The following ATM variants were observed in gnomAD, a reference collection of about 807,000 sequenced individuals.
The protein encoded by ATM is ATM serine/threonine kinase.
In ATM, 308 loss-of-function variants were observed where a neutral mutation model predicts 387.0. The ratio of observed to expected loss-of-function variants is 0.80; its 90% CI spans 0.73 to 0.87. The LOEUF (loss-of-function observed/expected upper bound fraction) is 0.87, where lower values mean the gene tolerates loss of function less well. ATM is among the 40% of genes least tolerant of loss of function. The pLI is 0.00. For synonymous variants in ATM, 1,156 were observed against 1,187.3 expected (o/e 0.97, Z 0.54); for missense variants, 3,312 against 3,560.9 (o/e 0.93, Z 1.78).
intron 16 of ATM, among the ~76,000 whole-genome samples, chr11:108,260,661 T>A (rs958687676): frequency 1.3e-5 from 2 of 152,104 alleles, no homozygotes; most frequent in African/African-American, 4.8e-5. Flanking sequence ...TAGGAACAGC[T>A]CCGGTCTACA....
chr11:108,251,613 T>C (rs1450020614), intron 10 of ATM, among the ~76,000 whole-genome samples: 1 of 152,250 alleles, frequency 6.6e-6, no homozygotes, highest in East Asian at 1.9e-4. Flanking sequence ...GTGCAATTTA[T>C]CATTATTTAT....
chr11:108,247,106 G>A lies in ATM; in HGVS notation c.1044G>A (p.Leu348=), dbSNP rs879254039. The A allele has an allele frequency of 1.9e-6, 3 of 1,613,770 alleles. No individual in the cohort carries two copies. Among genetic ancestry groups the A allele is most frequent in the Non-Finnish European group, 2.5e-6 (3 of 1,179,862 alleles). The change falls in exon 8 of 63, where the codon TTG becomes TTA. Residue 348 remains leucine (L), a synonymous_variant. Coordinates refer to ENST00000675843, the MANE Select transcript of ATM (RefSeq NM_000051.4). ...CCGTCAAAGAAAATTTGATTGAATTGATGGCAGATATCTGTCACCAGGTAC... is the reference window on the plus strand; with the variant it reads ...CCGTCAAAGAAAATTTGATTGAATTAATGGCAGATATCTGTCACCAGGTAC... ...NIAVKENLIE[L]MADICHQVFN...
chr11:108,294,492 T>A (rs621947), intron 31 of ATM, among the ~76,000 whole-genome samples: 1 of 152,078 alleles, frequency 6.6e-6, no homozygotes, highest in Non-Finnish European at 1.5e-5. Context: ...GTAATCCCAG[T>A]GCTTTGGAAG....
chr11:108,266,927 C>T (rs1175568777), intron 16 of ATM, among the ~76,000 whole-genome samples: 1 of 151,708 alleles, frequency 6.6e-6, no homozygotes, highest in Non-Finnish European at 1.5e-5. Context: ...TCCTGAGTAG[C>T]TGGGATTACA....
intron 12 of ATM, among the ~76,000 whole-genome samples, chr11:108,253,497 GT>G (rs1368860081): frequency 1.3e-5 from 2 of 151,926 alleles, no homozygotes; most frequent in African/African-American, 4.8e-5. Flanking sequence ...AAAGGGATAT[GT>G]TTGCAGACAA....
chr11:108,231,577 T>C (rs1166794881), intron 4 of ATM: 1 of 151,218 alleles, frequency 6.6e-6, no homozygotes, highest in Non-Finnish European at 1.5e-5. Context: ...GTGCCTGTAA[T>C]CCCAGCTTCT....
intron 56 of ATM, among the ~76,000 whole-genome samples, chr11:108,340,655 T>A (rs1253609392): frequency 6.6e-6 from 1 of 152,198 alleles, no homozygotes; most frequent in Non-Finnish European, 1.5e-5. Flanking sequence ...GCTAGTTTTA[T>A]TAATAACTGT....
At chr11:108,274,355 GT>G (rs2081808438) in intron 22 of ATM, among the ~76,000 whole-genome samples, 3 of 152,086 alleles carry the variant, frequency 2.0e-5, no homozygotes, top group Non-Finnish European at 2.9e-5. Flanking sequence ...TTGTGTGTGT[GT>G]GTCTCTATCT....
rs753870656 is a variant in ATM at position 108,295,059 on chromosome 11, G to T, written c.4909G>T (p.Asp1637Tyr). The change falls in exon 32 of 63, where the codon GAT (aspartate) becomes TAT (tyrosine). Residue 1637 changes from aspartate to tyrosine, a missense_variant and splice_region_variant. Coordinates refer to ENST00000675843, the MANE Select transcript of ATM (RefSeq NM_000051.4). ...QMVDIMRASQ[D>Y]NPQDGIMVKL... ...GGTGGACATTATGAGAGCTTCTCAG[G>T]GTGCTAATTTTAAATGACATGGGCT... The T allele has an allele frequency of 6.2e-7, 1 of 1,613,694 alleles. No homozygotes were observed. The highest frequency in any genetic ancestry group is 8.5e-7 in the Non-Finnish European group (1 of 1,179,798).
intron 48 of ATM, among the ~76,000 whole-genome samples, chr11:108,327,986 C>T (rs1202411299): frequency 2.0e-5 from 3 of 152,172 alleles, no homozygotes; most frequent in Non-Finnish European, 4.4e-5. Flanking sequence ...CTTCCTCCTT[C>T]CTACCTCCAC....
intron 34 of ATM, among the ~76,000 whole-genome samples, chr11:108,301,445 G>A (rs1591707646): frequency 6.6e-6 from 1 of 152,184 alleles, no homozygotes; most frequent in Non-Finnish European, 1.5e-5. Flanking sequence ...GGGAATTGCA[G>A]TTGCAGTGAT....
chr11:108,347,987 T>G (rs1450529365), intron 59 of ATM, among the ~76,000 whole-genome samples: 2 of 152,170 alleles, frequency 1.3e-5, no homozygotes, highest in East Asian at 3.9e-4. Flanking sequence ...GAAACCAGAA[T>G]ATTGGATTTG....
intron 22 of ATM, among the ~76,000 whole-genome samples, chr11:108,277,782 C>T (rs1453492584): frequency 1.3e-5 from 2 of 152,196 alleles, no homozygotes; most frequent in South Asian, 2.1e-4. Flanking sequence ...CCACCTTCTG[C>T]GTTGATCTCA....
chr11:108,339,991 T>G (rs2087333461), intron 56 of ATM, among the ~76,000 whole-genome samples: 1 of 152,224 alleles, frequency 6.6e-6, no homozygotes, highest in Non-Finnish European at 1.5e-5. Context: ...GATACTCTAC[T>G]GAGTGCTAGG....
At chr11:108,328,776 C>A (rs1457671828) in intron 48 of ATM, among the ~76,000 whole-genome samples, 2 of 152,110 alleles carry the variant, frequency 1.3e-5, no homozygotes, top group Non-Finnish European at 2.9e-5. Flanking sequence ...TAAAAAAAAT[C>A]ACAAAAGAAA....
chr11:108,240,761 T>C (rs1038000945), intron 5 of ATM, among the ~76,000 whole-genome samples: 6 of 152,200 alleles, frequency 3.9e-5, no homozygotes, highest in African/African-American at 1.4e-4. Flanking sequence ...TGTGTGGTAA[T>C]GTAAAGGCCT....
chr11:108,276,938 G>A (rs576277119), intron 22 of ATM, among the ~76,000 whole-genome samples: 1 of 152,282 alleles, frequency 6.6e-6, no homozygotes, highest in East Asian at 1.9e-4. Context: ...AGGCAGGAAC[G>A]TTTAAGTCCG....
chr11:108,309,059 C>A, intron 38 of ATM: 1 of 1,504,956 alleles, frequency 6.6e-7, no homozygotes, highest in South Asian at 1.2e-5. Context: ...GAATAAGATC[C>A]TGAAGAATAT....
At chr11:108,250,367 G>A (rs2080069153) in intron 9 of ATM, among the ~76,000 whole-genome samples, 1 of 151,930 alleles carries the variant, frequency 6.6e-6, no homozygotes, top group Non-Finnish European at 1.5e-5. Context: ...TGGCCAGGCT[G>A]GTCTCAAACT....
Sources: allele counts gnomAD v4.1 joint callset (sites outside exome capture counted in the v4.1 genomes callset), GRCh38; gene constraint gnomAD v4.1.1; transcripts MANE v1.5; gene names NCBI Gene and HGNC (gene_info 2026-07-23, HGNC 2026-07-21).